Variants in EGFR observed in about 807,000 individuals in gnomAD.
EGFR encodes the protein epidermal growth factor receptor.
A neutral mutation model predicts 143.0 loss-of-function variants in EGFR; 58 were observed. The ratio of observed to expected loss-of-function variants is 0.41; its 90% CI spans 0.33 to 0.50. The LOEUF (loss-of-function observed/expected upper bound fraction) is 0.50. Ranked by LOEUF, EGFR falls within the 20% of genes least tolerant of loss-of-function variation. The probability of loss-of-function intolerance (pLI) is 0.39; values close to 1 mark genes in which losing one functional copy is unlikely to be tolerated. For missense variants in EGFR, 1,307 were observed against 1,579.0 expected (o/e 0.83, Z 2.92); for synonymous variants, 613 against 594.4 (o/e 1.03, Z -0.45).
intron 3 of EGFR, among the ~76,000 whole-genome samples, chr7:55,145,901 A>T (rs1444728701): frequency 6.6e-6 from 1 of 152,126 alleles, no homozygotes; most frequent in African/African-American, 2.4e-5. Context: ...CGCCCACAGC[A>T]CTTGCACAGG....
intron 3 of EGFR, among the ~76,000 whole-genome samples, chr7:55,145,096 C>T (rs144352709): frequency 6.6e-6 from 1 of 152,318 alleles, no homozygotes; most frequent in Non-Finnish European, 1.5e-5. Context: ...CCTAAGCCAC[C>T]GGGAAGCGGC....
At chr7:55,123,585 T>C (rs1240259199) in intron 1 of EGFR, among the ~76,000 whole-genome samples, 1 of 152,128 alleles carries the variant, frequency 6.6e-6, no homozygotes, top group Non-Finnish European at 1.5e-5. Flanking sequence ...ACATAAGCAA[T>C]TGCTGGCAGC....
intron 15 of EGFR, among the ~76,000 whole-genome samples, chr7:55,166,659 G>C (rs1189202467): frequency 6.9e-6 from 1 of 144,738 alleles, no homozygotes; most frequent in Non-Finnish European, 1.6e-5. Context: ...GGTGTTGATG[G>C]TGGTGAGGAG....
chr7:55,186,046 C>A (rs900991081), intron 20 of EGFR, among the ~76,000 whole-genome samples: 1 of 152,148 alleles, frequency 6.6e-6, no homozygotes, highest in East Asian at 1.9e-4. Flanking sequence ...CCGTCCACAC[C>A]GGGAGACAGG....
At chr7:55,166,871 T>C (rs111724965) in intron 15 of EGFR, among the ~76,000 whole-genome samples, 1,277 of 75,554 alleles carry the variant, frequency 0.017, 39 homozygotes, top group East Asian at 0.076. Flanking sequence ...ACAATGGTGG[T>C]AGTGATGATG....
chr7:55,200,865 G>T (rs1787816006), intron 24 of EGFR: 1 of 488,142 alleles, frequency 2.0e-6, no homozygotes, highest in Non-Finnish European at 3.7e-6. Flanking sequence ...AAAATATGTT[G>T]CAAAATACGC....
intron 1 of EGFR, among the ~76,000 whole-genome samples, chr7:55,053,717 C>T (rs890087595): frequency 6.6e-6 from 1 of 152,252 alleles, no homozygotes; most frequent in African/African-American, 2.4e-5. Flanking sequence ...CCGGGCCAGG[C>T]CCGCAGCACT....
chr7:55,088,624 C>A (rs763298599), intron 1 of EGFR, among the ~76,000 whole-genome samples: 1 of 152,202 alleles, frequency 6.6e-6, no homozygotes, highest in African/African-American at 2.4e-5. Context: ...GGCATGCGAC[C>A]TTTCCCGTCA....
intron 1 of EGFR, among the ~76,000 whole-genome samples, chr7:55,107,708 G>C (rs1476863610): frequency 6.6e-6 from 1 of 152,242 alleles, no homozygotes; most frequent in Non-Finnish European, 1.5e-5. Context: ...TTTGAGGACA[G>C]AACAATATTT....
At chr7:55,052,358 G>A (rs1395879324) in intron 1 of EGFR, among the ~76,000 whole-genome samples, 2 of 152,336 alleles carry the variant, frequency 1.3e-5, no homozygotes, top group East Asian at 3.9e-4. Context: ...AGGAGATGAT[G>A]CATCCACAGC....
At chr7:55,035,969 G>A (rs1787541854) in intron 1 of EGFR, among the ~76,000 whole-genome samples, 3 of 151,446 alleles carry the variant, frequency 2.0e-5, no homozygotes, top group African/African-American at 7.3e-5. Context: ...ATTAACCTAA[G>A]CCAAAAGCCC....
At chr7:55,131,915 G>A (rs1275874863) in intron 1 of EGFR, among the ~76,000 whole-genome samples, 1 of 149,154 alleles carries the variant, frequency 6.7e-6, no homozygotes, top group Non-Finnish European at 1.5e-5. Context: ...AAAGGGACAA[G>A]CGCAGGGAGC....
At chr7:55,113,499 T>C (rs533176766) in intron 1 of EGFR, among the ~76,000 whole-genome samples, 1 of 152,328 alleles carries the variant, frequency 6.6e-6, no homozygotes, top group South Asian at 2.1e-4. Flanking sequence ...CCATCTTTGA[T>C]GTGTACAAGT....
chr7:55,167,954 T>C (rs1034745005), intron 15 of EGFR, among the ~76,000 whole-genome samples: 19 of 152,138 alleles, frequency 1.2e-4, no homozygotes, highest in South Asian at 2.1e-4. Flanking sequence ...AAAAACAACA[T>C]TTGCTATTAG....
intron 1 of EGFR, among the ~76,000 whole-genome samples, chr7:55,115,797 G>A (rs867646362): frequency 4.6e-5 from 7 of 152,318 alleles, no homozygotes; most frequent in Middle Eastern, 6.8e-3. Flanking sequence ...CTGGGTAGTT[G>A]GACTGGATGT....
intron 1 of EGFR, among the ~76,000 whole-genome samples, chr7:55,036,084 T>C (rs1787547677): frequency 6.6e-6 from 1 of 151,858 alleles, no homozygotes; most frequent in Non-Finnish European, 1.5e-5. Context: ...TCTTTAAGGT[T>C]TGGAGGCCAT....
intron 1 of EGFR, among the ~76,000 whole-genome samples, chr7:55,026,858 C>T (rs1424534258): frequency 6.7e-6 from 1 of 150,346 alleles, no homozygotes; most frequent in Non-Finnish European, 1.5e-5. Flanking sequence ...GAAAACCTCT[C>T]TTTAACTGCC....
intron 1 of EGFR, among the ~76,000 whole-genome samples, chr7:55,072,424 A>T (rs1789885934): frequency 6.6e-6 from 1 of 152,200 alleles, no homozygotes; most frequent in African/African-American, 2.4e-5. Flanking sequence ...AAGCAGCTGC[A>T]CCTGCATTTT....
intron 1 of EGFR, among the ~76,000 whole-genome samples, chr7:55,089,519 G>A (rs1338597795): frequency 6.6e-6 from 1 of 152,194 alleles, no homozygotes; most frequent in Middle Eastern, 3.2e-3. Flanking sequence ...GGCCAGTCAT[G>A]TCTCATCCAA....
Sources: gnomAD v4.1 joint callset for allele counts (sites outside exome capture counted in the v4.1 genomes callset) on GRCh38, gnomAD v4.1.1 for gene constraint, MANE v1.5 for transcripts, NCBI Gene and HGNC (gene_info 2026-07-23, HGNC 2026-07-21) for gene names.